The following DENND2B variants were observed in gnomAD, a reference collection of about 807,000 sequenced individuals.
DENND2B encodes the protein DENN domain containing 2B, also known as DENN domain-containing protein 2B.
Under a neutral mutation model 116.0 loss-of-function variants are expected in DENND2B, and 32 were observed. The ratio of observed to expected loss-of-function variants is 0.28; its 90% CI spans 0.21 to 0.37. DENND2B has a LOEUF of 0.37. DENND2B is among the 10% of genes least tolerant of loss of function. DENND2B has a pLI of 1.00. For synonymous variants in DENND2B, 588 were observed against 583.9 expected, an observed-to-expected ratio of 1.01 and a Z score of -0.10; for missense variants, 1,276 against 1,477.7, an observed-to-expected ratio of 0.86 and a Z score of 2.24.
chr11:8,849,132 C>T (rs1188426142), intron 3 of DENND2B, among the ~76,000 whole-genome samples: 1 of 152,092 alleles, frequency 6.6e-6, no homozygotes, highest in African/African-American at 2.4e-5. Context: ...TTGCACCATT[C>T]TGCAAATATT....
At chr11:8,862,307 AT>A (rs1200379376) in intron 2 of DENND2B, among the ~76,000 whole-genome samples, 1 of 149,974 alleles carries the variant, frequency 6.7e-6, no homozygotes, top group Non-Finnish European at 1.5e-5. Context: ...GGGGAAAAAG[AT>A]TAACTTTTTC....
chr11:8,757,946 G>A (rs890899668), intron 1 of DENND2B, among the ~76,000 whole-genome samples: 1 of 152,160 alleles, frequency 6.6e-6, no homozygotes, highest in East Asian at 1.9e-4. Flanking sequence ...TAAATGACTG[G>A]ACCAAGATCA....
rs534544062 is a variant in DENND2B at position 8,829,474 on chromosome 11, T to G, written c.-115+9836A>C. ...CCCCATTCAGTACTATTCATATACA[T>G]TATTTTTGTGCACTCCTATGAATCT... On this transcript the variant is annotated intron_variant, in intron 4 of 6. Transcript: ENST00000524757. Among the ~76,000 whole-genome samples the G allele has an allele frequency of 2.6e-5, 4 of 152,266 alleles. No homozygotes were observed. The East Asian group carries it at 5.8e-4, about 22-fold the overall frequency.
chr11:8,786,732 C>A (rs1421590896), intron 1 of DENND2B, among the ~76,000 whole-genome samples: 1 of 152,152 alleles, frequency 6.6e-6, no homozygotes, highest in East Asian at 1.9e-4. Context: ...ATCACTTGAG[C>A]CCAGGAGGTC....
At chr11:8,892,037 CT>C (rs2064040677) in intron 1 of DENND2B, among the ~76,000 whole-genome samples, 1 of 152,218 alleles carries the variant, frequency 6.6e-6, no homozygotes, top group Admixed American at 6.5e-5. Flanking sequence ...TTGTAACAAA[CT>C]GTCTCTCAGA....
At chr11:8,797,998 C>T (rs1186105711) in intron 1 of DENND2B, among the ~76,000 whole-genome samples, 1 of 152,224 alleles carries the variant, frequency 6.6e-6, no homozygotes. Context: ...TTAACGGCTT[C>T]TTCTCATCCT....
chr11:8,824,611 A>G (rs1189230825), intron 4 of DENND2B, among the ~76,000 whole-genome samples: 3 of 152,102 alleles, frequency 2.0e-5, no homozygotes, highest in African/African-American at 7.2e-5. Context: ...ATGGGCATTT[A>G]GGTTGATTCC....
At position 8,696,538 on chromosome 11, in the gene DENND2B, G is replaced by T; in HGVS notation, c.3181C>A (p.Arg1061Ser). The T allele has an allele frequency of 6.2e-7, 1 of 1,614,156 alleles. No homozygotes were observed. Among genetic ancestry groups the T allele is most frequent in the African/African-American group, 1.3e-5 (1 of 75,026 alleles). Residue 1061 changes from arginine to serine, a missense_variant, in exon 18 of 20, where the codon CGC (arginine) becomes AGC (serine). By Grantham distance (110) the Arg-to-Ser change is moderately radical. This residue lies in a region of DENND2B where 420 missense variants were observed against 631.1 expected (regional missense o/e 0.67). Transcript: ENST00000313726. ...ATGCTTTTGGAGGCCACAGATTTGC[G>T]GAAGGCCTCTCGCTGAAAGGCCCTC... Reference protein sequence around the residue: ...GERAFQREAFRKSVASKSIRR... With the variant: ...GERAFQREAFSKSVASKSIRR...
intron 2 of DENND2B, among the ~76,000 whole-genome samples, chr11:8,732,871 A>G (rs1255106035): frequency 6.6e-6 from 1 of 152,222 alleles, no homozygotes; most frequent in East Asian, 1.9e-4. Context: ...CCGGAATGCC[A>G]TGCTATCCAC....
chr11:8,852,642 G>A (rs995438225), intron 3 of DENND2B, among the ~76,000 whole-genome samples: 13 of 152,172 alleles, frequency 8.5e-5, no homozygotes, highest in Non-Finnish European at 1.8e-4. Context: ...GTATGCAAAC[G>A]TTGAAATCCA....
chr11:8,774,339 A>G (rs896799354), intron 1 of DENND2B: 1 of 985,084 alleles, frequency 1.0e-6, no homozygotes, highest in Non-Finnish European at 1.2e-6. Flanking sequence ...GCAAGTTCTG[A>G]CTAGTGAAAG....
intron 3 of DENND2B, among the ~76,000 whole-genome samples, chr11:8,849,900 C>T (rs2062948792): frequency 6.6e-6 from 1 of 150,870 alleles, no homozygotes; most frequent in African/African-American, 2.5e-5. Context: ...TTTGGGAGGC[C>T]AAGGCAGGTG....
chr11:8,721,853 C>G (rs547478771), intron 4 of DENND2B, among the ~76,000 whole-genome samples: 33 of 152,342 alleles, frequency 2.2e-4, no homozygotes, highest in Admixed American at 7.2e-4. Flanking sequence ...CTGGCCCGGT[C>G]CCCGGCTTGC....
chr11:8,817,668 G>T (rs547505837), intron 4 of DENND2B, among the ~76,000 whole-genome samples: 1 of 152,222 alleles, frequency 6.6e-6, no homozygotes, highest in South Asian at 2.1e-4. Context: ...CAGTCTGCCA[G>T]TCATCCAGCC....
rs970093142 is a variant in DENND2B at position 8,854,201 on chromosome 11, T to G, written c.-156+3142A>C. On this transcript the variant is annotated intron_variant, in intron 3 of 6. Coordinates refer to the DENND2B transcript ENST00000524757. ...ATTTTTAAAAGAACCTATTTATTTA[T>G]GTATTTATTTATTTATTTGAGACAG... Among the ~76,000 whole-genome samples, 77 of 151,284 alleles carry G rather than the reference T, an allele frequency of 5.1e-4. 1 individual carries two copies. Among genetic ancestry groups the G allele is most frequent in the African/African-American group, 1.8e-3 (75 of 41,222 alleles).
At position 8,702,538 on chromosome 11, in the gene DENND2B, CT is replaced by C. The variant is rs1282155603; in HGVS notation, c.2720+33del. 14 of 1,606,796 alleles carry C rather than the reference CT, an allele frequency of 8.7e-6. No homozygotes were observed. Among genetic ancestry groups the C allele is most frequent in the Non-Finnish European group, 1.2e-5 (14 of 1,179,928 alleles). On this transcript the variant is annotated intron_variant, in intron 14 of 19. Coordinates refer to ENST00000313726, the MANE Select transcript of DENND2B (RefSeq NM_213618.2). This position sits in a 1 kb window ranked among gnomAD's most constrained non-coding sequence, Gnocchi z 4.6. ...TTCGCTTGTGGGTGTGCCTTCCCCC[CT>C]CCCTTCTGCTTTCTTGCCCGGCTGG...
chr11:8,832,036 A>C (rs1242998636), intron 4 of DENND2B: 1 of 152,008 alleles, frequency 6.6e-6, no homozygotes, highest in African/African-American at 2.4e-5. Context: ...TATCTGCCAC[A>C]CCCATCTCCA....
intron 1 of DENND2B, among the ~76,000 whole-genome samples, chr11:8,752,365 T>C (rs2052681734): frequency 2.6e-5 from 4 of 151,992 alleles, no homozygotes; most frequent in South Asian, 4.2e-4. Context: ...GGCAGGAGAA[T>C]TGCTTGAACC....
chr11:8,724,924 C>T (rs1032788593), intron 4 of DENND2B, among the ~76,000 whole-genome samples: 1 of 152,234 alleles, frequency 6.6e-6, no homozygotes, highest in African/African-American at 2.4e-5. Context: ...CCAGCTGGGA[C>T]ATGGACCTGC....
Sources: gnomAD v4.1 joint callset for allele counts (sites outside exome capture counted in the v4.1 genomes callset) on GRCh38, gnomAD v4.1.1 for gene constraint, gnomAD v4.1.1 regional missense constraint, Gnocchi (gnomAD v3.1) non-coding constraint, MANE v1.5 for transcripts, NCBI Gene and HGNC (gene_info 2026-07-23, HGNC 2026-07-21) for gene names.